The following CAMKMT variants were observed in gnomAD, a reference collection of about 807,000 sequenced individuals.
The protein encoded by CAMKMT is CaM KMT.
In CAMKMT, 53 loss-of-function variants were observed where a neutral mutation model predicts 48.0. That is an observed-to-expected ratio of 1.10 (90% CI 0.89 to 1.39). The LOEUF (loss-of-function observed/expected upper bound fraction) is 1.39. Among genes scored for constraint, CAMKMT ranks in the 40% most tolerant of loss-of-function variants. The probability of loss-of-function intolerance (pLI) is 0.00; values close to 1 mark genes in which losing one functional copy is unlikely to be tolerated. For missense variants in CAMKMT, 428 were observed against 402.7 expected (o/e 1.06, Z -0.54); for synonymous variants, 165 against 152.3 (o/e 1.08, Z -0.61).
At chr2:44,540,581 T>C (rs181856527) in intron 3 of CAMKMT, among the ~76,000 whole-genome samples, 1 of 152,226 alleles carries the variant, frequency 6.6e-6, no homozygotes, top group African/African-American at 2.4e-5. Flanking sequence ...CAAAACCTCA[T>C]CTCTAAACAA....
chr2:44,706,424 AG>A, intron 5 of CAMKMT, 83 bp downstream of exon 5: 8 of 1,360,378 alleles, frequency 5.9e-6, no homozygotes, highest in Non-Finnish European at 8.4e-6. Flanking sequence ...GCTGGGTCAG[AG>A]AACCGTCAAC....
chr2:44,498,672 A>G (rs928877529), intron 3 of CAMKMT, among the ~76,000 whole-genome samples: 1 of 152,208 alleles, frequency 6.6e-6, no homozygotes, highest in Non-Finnish European at 1.5e-5. Flanking sequence ...TGTTTTCTTG[A>G]GACCTGGAAA....
chr2:44,368,505 C>CG (rs1678846019), intron 1 of CAMKMT, among the ~76,000 whole-genome samples: 1 of 152,208 alleles, frequency 6.6e-6, no homozygotes, highest in East Asian at 1.9e-4. Flanking sequence ...AGCTTGTTGT[C>CG]GTATTGTCGA....
At chr2:44,557,353 C>A (rs574601400) in intron 3 of CAMKMT, among the ~76,000 whole-genome samples, 2 of 151,640 alleles carry the variant, frequency 1.3e-5, no homozygotes, top group African/African-American at 4.8e-5. Context: ...AAAACTAACA[C>A]ATGAAACAAA....
At chr2:44,521,163 T>C (rs1047320586) in intron 3 of CAMKMT, among the ~76,000 whole-genome samples, 4 of 152,232 alleles carry the variant, frequency 2.6e-5, no homozygotes, top group African/African-American at 7.2e-5. Context: ...TGGCTTGTGG[T>C]AAATGGTATG....
intron 3 of CAMKMT, among the ~76,000 whole-genome samples, chr2:44,412,664 A>G (rs1009190054): frequency 4.6e-5 from 7 of 152,138 alleles, no homozygotes; most frequent in African/African-American, 1.7e-4. Flanking sequence ...AATACATTTC[A>G]TTGAATTACT....
At chr2:44,600,786 G>T (rs891820824) in intron 3 of CAMKMT, among the ~76,000 whole-genome samples, 3 of 152,064 alleles carry the variant, frequency 2.0e-5, no homozygotes, top group Admixed American at 6.5e-5. Context: ...AATTTCTTTA[G>T]AGAGTTTTAT....
intron 3 of CAMKMT, among the ~76,000 whole-genome samples, chr2:44,616,073 C>T (rs943304795): frequency 2.6e-5 from 4 of 152,194 alleles, no homozygotes; most frequent in Non-Finnish European, 4.4e-5. Flanking sequence ...TCTTCTCCCC[C>T]GACCTCCAGT....
intron 3 of CAMKMT, among the ~76,000 whole-genome samples, chr2:44,634,031 C>T (rs1672984737): frequency 6.6e-6 from 1 of 152,022 alleles, no homozygotes; most frequent in South Asian, 2.1e-4. Context: ...TTGGTGTTTT[C>T]ACTGAATGCC....
intron 3 of CAMKMT, among the ~76,000 whole-genome samples, chr2:44,699,038 C>T (rs1290398670): frequency 2.6e-5 from 4 of 152,190 alleles, no homozygotes; most frequent in East Asian, 1.9e-4. Context: ...AATTCAGTCA[C>T]GTCTTCAGGC....
At chr2:44,465,144 G>T (rs1668043594) in intron 3 of CAMKMT, among the ~76,000 whole-genome samples, 1 of 152,074 alleles carries the variant, frequency 6.6e-6, no homozygotes. Flanking sequence ...AGAGGGAAGA[G>T]ATGTAAAGGA....
At chr2:44,374,064 C>T (rs906057850) in intron 2 of CAMKMT, among the ~76,000 whole-genome samples, 3 of 132,666 alleles carry the variant, frequency 2.3e-5, no homozygotes, top group Non-Finnish European at 4.6e-5. Context: ...GTTGAGGCTG[C>T]TGTGAGCTGT....
At chr2:44,564,213 T>G (rs1175317967) in intron 3 of CAMKMT, among the ~76,000 whole-genome samples, 1 of 151,364 alleles carries the variant, frequency 6.6e-6, no homozygotes, top group Admixed American at 6.6e-5. Flanking sequence ...TCTCACTCTC[T>G]TGCCCAGGCT....
chr2:44,760,370 G>T (rs1365016494), intron 9 of CAMKMT, among the ~76,000 whole-genome samples: 1 of 152,010 alleles, frequency 6.6e-6, no homozygotes, highest in Non-Finnish European at 1.5e-5. Context: ...TTGGGGAAGG[G>T]CAGGAAGATG....
chr2:44,479,545 A>C (rs151278865), intron 3 of CAMKMT, among the ~76,000 whole-genome samples: 1 of 152,200 alleles, frequency 6.6e-6, no homozygotes, highest in Non-Finnish European at 1.5e-5. Flanking sequence ...TGTTAAGAAA[A>C]GTGCCTACAC....
At position 44,455,879 on chromosome 2, in the gene CAMKMT, A is replaced by T. The variant is rs698790; in HGVS notation, c.376+65574A>T. On this transcript the variant is annotated intron_variant, in intron 3 of 10. Transcript: ENST00000378494. ...GTGTCAAAAACGTTGGTCCTTAATT[A>T]AAGGTTAAAGTTATCAGGAATCCTA... Among the ~76,000 whole-genome samples, 13 of 152,180 alleles carry T rather than the reference A, an allele frequency of 8.5e-5. No homozygotes were observed. The East Asian group carries it at 2.5e-3, about 29-fold the overall frequency.
chr2:44,707,444 A>G lies in CAMKMT; in HGVS notation c.538A>G (p.Asn180Asp). ...CAAAGAAGTTCTGTTAACTGATGGG[A>G]ATGAAAAGGCCATCAGAAGTATCCT... ...DVKEVLLTDG[N>D]EKAIRNVQDI... Residue 180 changes from asparagine (N) to aspartate (D), a missense_variant, in exon 6 of 11, where the codon AAT (asparagine) becomes GAT (aspartate). Coordinates refer to ENST00000378494, the MANE Select transcript of CAMKMT (RefSeq NM_024766.5). 1 of 1,612,588 alleles carries G rather than the reference A, an allele frequency of 6.2e-7. No individual in the cohort carries two copies. The highest frequency in any genetic ancestry group is 8.5e-7 in the Non-Finnish European group (1 of 1,179,172).
At chr2:44,504,089 C>T (rs1425688729) in intron 3 of CAMKMT, among the ~76,000 whole-genome samples, 10 of 151,894 alleles carry the variant, frequency 6.6e-5, no homozygotes, top group Non-Finnish European at 1.5e-4. Context: ...ATCTTCATGA[C>T]CTCATCTAAG....
chr2:44,569,851 G>C (rs1454700274), intron 3 of CAMKMT, among the ~76,000 whole-genome samples: 1 of 152,072 alleles, frequency 6.6e-6, no homozygotes, highest in East Asian at 1.9e-4. Context: ...CTGATGATGT[G>C]GATTTTATAG....
Sources: gnomAD v4.1 joint callset for allele counts (sites outside exome capture counted in the v4.1 genomes callset) on GRCh38, gnomAD v4.1.1 for gene constraint, MANE v1.5 for transcripts, NCBI Gene and HGNC (gene_info 2026-07-23, HGNC 2026-07-21) for gene names.